The following GRB10 variants were observed in gnomAD, a reference collection of about 807,000 sequenced individuals.
GRB10 encodes growth factor receptor bound protein 10, also known as growth factor receptor-bound protein 10.
In GRB10, 20 loss-of-function variants were observed where a neutral mutation model predicts 80.9. The observed-to-expected ratio is 0.25, with a 90% CI of 0.17 to 0.36. The LOEUF (loss-of-function observed/expected upper bound fraction) is 0.36, where lower values mean the gene tolerates loss of function less well. Ranked by LOEUF, GRB10 falls within the 10% of genes least tolerant of loss-of-function variation. The pLI is 1.00. For synonymous variants in GRB10, 291 were observed against 291.5 expected (o/e 1.00, Z 0.02); for missense variants, 548 against 747.7 (o/e 0.73, Z 3.12).
intron 7 of GRB10, among the ~76,000 whole-genome samples, chr7:50,643,975 G>A (rs1031027211): frequency 5.9e-5 from 9 of 151,948 alleles, no homozygotes; most frequent in African/African-American, 1.5e-4. Context: ...AATGACCTGC[G>A]GCTCTCCTCT....
At chr7:50,661,513 T>C (rs2059270540) in intron 7 of GRB10, among the ~76,000 whole-genome samples, 2 of 152,340 alleles carry the variant, frequency 1.3e-5, no homozygotes, top group South Asian at 4.1e-4. Context: ...CCCACTGAGC[T>C]TGTCTTAAGT....
At chr7:50,702,220 C>T (rs1050958064) in intron 5 of GRB10, among the ~76,000 whole-genome samples, 1 of 152,218 alleles carries the variant, frequency 6.6e-6, no homozygotes, top group African/African-American at 2.4e-5. Flanking sequence ...CACTACAATT[C>T]CTCCCAGGCA....
At chr7:50,612,524 G>A (rs562243521) in intron 13 of GRB10, among the ~76,000 whole-genome samples, 2 of 152,162 alleles carry the variant, frequency 1.3e-5, no homozygotes, top group African/African-American at 4.8e-5. Context: ...TACTGAGTCC[G>A]GAAAACCTAG....
At chr7:50,627,650 G>C (rs904913227) in intron 7 of GRB10, among the ~76,000 whole-genome samples, 1 of 152,224 alleles carries the variant, frequency 6.6e-6, no homozygotes. Flanking sequence ...AGCAGCTCCA[G>C]GCCAAGGGAT....
intron 3 of GRB10, among the ~76,000 whole-genome samples, chr7:50,740,736 C>G (rs891223846): frequency 1.3e-4 from 20 of 150,952 alleles, no homozygotes; most frequent in African/African-American, 4.9e-4. Context: ...CATTCGAAAC[C>G]CAAACAATTT....
At chr7:50,690,527 T>C (rs890794736) in intron 5 of GRB10, among the ~76,000 whole-genome samples, 6 of 152,190 alleles carry the variant, frequency 3.9e-5, no homozygotes, top group Non-Finnish European at 8.8e-5. Flanking sequence ...GAAAAAGGAT[T>C]TGCACTTCCT....
chr7:50,626,775 G>A, intron 8 of GRB10, 47 bp downstream of exon 8: 1 of 1,608,282 alleles, frequency 6.2e-7, no homozygotes, highest in East Asian at 2.2e-5. Context: ...TCATTCAATT[G>A]CACATAAGCA....
At chr7:50,616,471 G>C (rs992585084) in intron 10 of GRB10, 124 bp from the exon 11 acceptor site, 2 of 893,026 alleles carry the variant, frequency 2.2e-6, no homozygotes, top group Admixed American at 2.3e-5. Flanking sequence ...CAAAATGAGA[G>C]TGTTCTCCTT....
chr7:50,776,122 C>CA (rs2077608922), intron 2 of GRB10, among the ~76,000 whole-genome samples: 1 of 152,212 alleles, frequency 6.6e-6, no homozygotes, highest in South Asian at 2.1e-4. Flanking sequence ...ATCTCCTTAT[C>CA]AAAAGGTCAC....
chr7:50,769,307 T>C (rs7805310), intron 2 of GRB10, among the ~76,000 whole-genome samples: 10,766 of 152,268 alleles, frequency 0.071, 470 homozygotes, highest in East Asian at 0.2. Flanking sequence ...CCTCCACTGT[T>C]GTGATGCTAA....
intron 4 of GRB10, among the ~76,000 whole-genome samples, chr7:50,708,702 A>G: frequency 8.3e-6 from 1 of 121,206 alleles, no homozygotes; most frequent in Non-Finnish European, 1.6e-5. Context: ...TTTGAGACAG[A>G]GTCTCACTCT....
chr7:50,723,346 T>C (rs574917524), intron 4 of GRB10, among the ~76,000 whole-genome samples: 65 of 152,366 alleles, frequency 4.3e-4, no homozygotes, highest in African/African-American at 1.5e-3. Context: ...GCCCCGGCTA[T>C]GTCTTACACA....
intron 5 of GRB10, among the ~76,000 whole-genome samples, chr7:50,700,498 ACT>A (rs567303596): frequency 3.9e-4 from 60 of 152,052 alleles, no homozygotes; most frequent in African/African-American, 1.3e-3. Context: ...TCCTATTGGT[ACT>A]CTGTTTCAAC....
chr7:50,702,290 T>A (rs939005754), intron 5 of GRB10, among the ~76,000 whole-genome samples: 6 of 152,242 alleles, frequency 3.9e-5, no homozygotes, highest in Non-Finnish European at 8.8e-5. Flanking sequence ...CTCGGCTGGA[T>A]ACGGTGGGCC....
chr7:50,620,198 A>G (rs1042522588), intron 8 of GRB10, among the ~76,000 whole-genome samples: 19 of 152,340 alleles, frequency 1.2e-4, no homozygotes, highest in African/African-American at 4.6e-4. Context: ...AAATCATGGA[A>G]TAAACAAGAT....
intron 17 of GRB10, among the ~76,000 whole-genome samples, chr7:50,597,158 A>T (rs2046802607): frequency 6.6e-6 from 1 of 152,254 alleles, no homozygotes; most frequent in South Asian, 2.1e-4. Flanking sequence ...ATATGTGAAT[A>T]TTCATGGTAA....
chr7:50,624,811 AT>A (rs1296770649), intron 8 of GRB10, among the ~76,000 whole-genome samples: 1 of 151,840 alleles, frequency 6.6e-6, no homozygotes, highest in Non-Finnish European at 1.5e-5. Flanking sequence ...GAGGTTCGTT[AT>A]TTTTTTATTT....
chr7:50,683,866 G>A (rs1162968024), intron 5 of GRB10, among the ~76,000 whole-genome samples: 1 of 152,120 alleles, frequency 6.6e-6, no homozygotes, highest in Non-Finnish European at 1.5e-5. Flanking sequence ...ATTGTTCCCA[G>A]GTTACCCTCC....
intron 10 of GRB10, among the ~76,000 whole-genome samples, chr7:50,617,396 TCA>T (rs572886130): frequency 4.1e-4 from 63 of 152,286 alleles, no homozygotes; most frequent in African/African-American, 1.5e-3. Context: ...GTTTATTCTC[TCA>T]CTTTTAACAT....
Sources: allele counts gnomAD v4.1 joint callset (sites outside exome capture counted in the v4.1 genomes callset), GRCh38; gene constraint gnomAD v4.1.1; transcripts MANE v1.5; gene names NCBI Gene and HGNC (gene_info 2026-07-23, HGNC 2026-07-21).